The following SGCB variants were observed in gnomAD, a reference collection of about 807,000 sequenced individuals.
SGCB encodes the protein beta-sarcoglycan.
In SGCB, 25 loss-of-function variants were observed where a neutral mutation model predicts 27.3. The ratio of observed to expected loss-of-function variants is 0.92; its 90% CI spans 0.67 to 1.28. The LOEUF (loss-of-function observed/expected upper bound fraction) is 1.28, where lower values mean the gene tolerates loss of function less well. Among genes scored for constraint, SGCB ranks in the 50% most tolerant of loss-of-function variants. SGCB has a pLI of 0.00. For synonymous variants in SGCB, 147 were observed against 133.5 expected, an observed-to-expected ratio of 1.10 and a Z score of -0.70; for missense variants, 436 against 402.1, an observed-to-expected ratio of 1.08 and a Z score of -0.72.
chr4:52,034,331 C>CAAAAAAAAAAAAAAAAAAAA (rs541129158), intron 1 of SGCB, among the ~76,000 whole-genome samples: 1 of 26,516 alleles, frequency 3.8e-5, no homozygotes, highest in African/African-American at 1.4e-4. Flanking sequence ...GACTCCGTCT[C>CAAAAAAAAAAAAAAAAAAAA]AAAAAAAAAA....
intron 2 of SGCB, among the ~76,000 whole-genome samples, chr4:52,030,158 A>G (rs2109372392): frequency 1.3e-5 from 2 of 152,202 alleles, no homozygotes; most frequent in Middle Eastern, 6.8e-3. Context: ...ACTTTCAACA[A>G]ATTTAGCTAT....
chr4:52,032,171 C>G (rs1737266078), intron 2 of SGCB, among the ~76,000 whole-genome samples: 1 of 152,114 alleles, frequency 6.6e-6, no homozygotes, highest in Non-Finnish European at 1.5e-5. Context: ...GAGAGGAGGC[C>G]TAGGGATCTC....
rs930561365 is a variant in SGCB at position 52,022,681 on chromosome 4, A to T, written c.*1276T>A. The stretch of plus-strand genomic sequence containing the variant: ...GTACTTACTAGGCCATGCCTGGCCC[A>T]AAGAACTTGTTTGGGTCTATGGCCT... On this transcript the variant is annotated 3_prime_UTR_variant, in exon 6 of 6. Coordinates refer to ENST00000381431, the MANE Select transcript of SGCB (RefSeq NM_000232.5). 1.3e-5 allele frequency: 2 copies of T among 152,176 alleles called. No homozygotes were observed. Among genetic ancestry groups the T allele is most frequent in the Non-Finnish European group, 2.9e-5 (2 of 68,016 alleles). 9.4% of individuals were successfully genotyped at this position (152,176 alleles called of 1,614,324 possible). A position where few individuals can be genotyped will look rare whatever the true frequency, so the allele number is the denominator to read the frequency against.
chr4:52,037,831 G>C (rs1249577632), intron 1 of SGCB, among the ~76,000 whole-genome samples: 1 of 152,244 alleles, frequency 6.6e-6, no homozygotes, highest in African/African-American at 2.4e-5. Flanking sequence ...CCCGTTTCTT[G>C]TAAGAGGAGC....
chr4:52,022,429 T>C lies in SGCB; in HGVS notation c.*1528A>G, dbSNP rs1009445459. ...ACTGCCTATTTTACAGCAAACTCCT[T>C]TGGGGGCCCTGTCCCTGATTCTGTG... is the stretch of plus-strand genomic sequence containing the variant. On this transcript the variant is annotated 3_prime_UTR_variant, in exon 6 of 6. Coordinates refer to ENST00000381431, the MANE Select transcript of SGCB (RefSeq NM_000232.5). 4.6e-5 allele frequency: 7 copies of C among 152,206 alleles called. No individual in the cohort carries two copies. Among genetic ancestry groups the C allele is most frequent in the African/African-American group, 1.7e-4 (7 of 41,458 alleles). The allele number at this position is 152,206 out of a possible 1,614,324, so 9.4% of individuals were successfully genotyped here.
At chr4:52,031,921 C>G (rs1479974038) in intron 2 of SGCB, 1 of 455,842 alleles carries the variant, frequency 2.2e-6, no homozygotes, top group East Asian at 7.0e-5. Context: ...ATCAGGAATC[C>G]CAGAGAAGGC....
chr4:52,023,328 G>C lies in SGCB; in HGVS notation c.*629C>G, dbSNP rs749700524. On this transcript the variant is annotated 3_prime_UTR_variant, in exon 6 of 6. Transcript: ENST00000381431. ...TTATTTAAAAGTTAAAGCTGAGATGGTGTTTTAATTTCCACCACATTGTGA... is the reference window on the plus strand; with the variant it reads ...TTATTTAAAAGTTAAAGCTGAGATGCTGTTTTAATTTCCACCACATTGTGA... The C allele has an allele frequency of 1.3e-5, 2 of 152,662 alleles. No individual in the cohort carries two copies. Among genetic ancestry groups the C allele is most frequent in the Non-Finnish European group, 2.9e-5 (2 of 68,296 alleles). The allele number at this position is 152,662 out of a possible 1,614,324, so 9.5% of individuals were successfully genotyped here.
chr4:52,028,887 A>ACC lies in SGCB; in HGVS notation c.463_464insGG (p.Val155GlyfsTer2). ...TGTAATAGAAGTTTTGTTGTTTTCT[A>ACC]CACTGAGCTTTGTTGTCCCTTGCTG... is the stretch of plus-strand genomic sequence containing the variant. On this transcript the variant is annotated frameshift_variant, in exon 4 of 6. Transcript: ENST00000381431. LOFTEE classifies it high-confidence loss of function. 6.2e-7 allele frequency: 1 copy of ACC among 1,614,038 alleles called. No individual in the cohort carries two copies. Among genetic ancestry groups the ACC allele is most frequent in the Non-Finnish European group, 8.5e-7 (1 of 1,179,908 alleles).
At chr4:52,033,667 A>G (rs1737309478) in intron 1 of SGCB, 27 bp from the exon 2 acceptor site, 1 of 1,538,342 alleles carries the variant, frequency 6.5e-7, no homozygotes. Context: ...ACATAATGGA[A>G]CAGCTATACC....
At chr4:52,028,690 A>G (rs367867113) in intron 4 of SGCB, 40 bp downstream of exon 4, 87 of 1,361,070 alleles carry the variant, frequency 6.4e-5, no homozygotes, top group Middle Eastern at 2.0e-4. Flanking sequence ...TCTAGAGAAT[A>G]ATTCTCTCCC....
intron 2 of SGCB, among the ~76,000 whole-genome samples, chr4:52,032,644 C>G (rs1032971902): frequency 6.6e-6 from 1 of 152,094 alleles, no homozygotes; most frequent in Admixed American, 6.5e-5. Context: ...GACAGAAGTG[C>G]TTTGGACATA....
At chr4:52,031,307 T>G (rs561593714) in intron 2 of SGCB, among the ~76,000 whole-genome samples, 7 of 152,036 alleles carry the variant, frequency 4.6e-5, no homozygotes, top group African/African-American at 1.7e-4. Context: ...CTGGAAGAGT[T>G]TTTTTATCTT....
rs187619233 is a variant in SGCB at position 52,022,026 on chromosome 4, A to G, written c.*1931T>C. ...TTTAAAATAAATCTAAATAGAGCAG[A>G]TAAGTAATGAATATGCAATTTAATT... On this transcript the variant is annotated 3_prime_UTR_variant, in exon 6 of 6. Coordinates refer to ENST00000381431, the MANE Select transcript of SGCB (RefSeq NM_000232.5). 7 of 152,358 alleles carry G rather than the reference A, an allele frequency of 4.6e-5. No homozygotes were observed. Among genetic ancestry groups the G allele is most frequent in the African/African-American group, 7.2e-5 (3 of 41,594 alleles). 9.4% of individuals were successfully genotyped at this position (152,358 alleles called of 1,614,324 possible).
chr4:52,030,791 T>G (rs1292201721), intron 2 of SGCB, among the ~76,000 whole-genome samples: 1 of 152,198 alleles, frequency 6.6e-6, no homozygotes. Flanking sequence ...ATCCTCATCT[T>G]TCTTTTGGTA....
At chr4:52,030,327 T>C (rs1350635594) in intron 2 of SGCB, among the ~76,000 whole-genome samples, 1 of 152,150 alleles carries the variant, frequency 6.6e-6, no homozygotes, top group Non-Finnish European at 1.5e-5. Flanking sequence ...ATGATAAATT[T>C]AGCTCATTTA....
rs541318657 is a variant in SGCB, at chr4:52,028,986, A to G, written c.430-65T>C. ...AAGACTGCAAACAAAATTCCTGAAC[A>G]ATATATTTTAAAAATTACAAAAATT... On this transcript the variant is annotated intron_variant, in intron 3 of 5. Transcript: ENST00000381431. 10 of 1,211,226 alleles carry G rather than the reference A, an allele frequency of 8.3e-6. No individual in the cohort carries two copies. The South Asian group carries it at 1.0e-4, about 13-fold the overall frequency. 75.0% of individuals were successfully genotyped at this position (1,211,226 alleles called of 1,614,324 possible). A position where few individuals can be genotyped will look rare whatever the true frequency, so the allele number is the denominator to read the frequency against.
At position 52,024,032 on chromosome 4, in the gene SGCB, C is replaced by G. The variant is rs572922347; in HGVS notation, c.882G>C (p.Thr294=). Residue 294 remains threonine (T), a synonymous_variant, in exon 6 of 6, where the codon ACG becomes ACC. Coordinates refer to ENST00000381431, the MANE Select transcript of SGCB (RefSeq NM_000232.5). ...GGCTGGTTACTTGCACCTTGAAGAG[C>G]GTCCCATCAGCACACATGCAGAGCT... ...RYKLCMCADG[T]LFKVQVTSQN... The G allele has an allele frequency of 6.2e-7, 1 of 1,614,136 alleles. No individual in the cohort carries two copies.
intron 5 of SGCB, 37 bp from the exon 6 acceptor site, chr4:52,024,197 A>G: frequency 6.6e-7 from 1 of 1,505,232 alleles, no homozygotes; most frequent in Non-Finnish European, 9.2e-7. Context: ...ATTTACCTCC[A>G]TGAGGGGGTA....
At position 52,023,781 on chromosome 4, in the gene SGCB, G is replaced by A. The variant is rs1219929645; in HGVS notation, c.*176C>T. Reference sequence around the variant, plus strand: ...GAAGATTAGTATAAATTAATAAAATGTATTAGAATTTAGGCTCTCTGAGAA... The same window carrying A: ...GAAGATTAGTATAAATTAATAAAATATATTAGAATTTAGGCTCTCTGAGAA... On this transcript the variant is annotated 3_prime_UTR_variant, in exon 6 of 6. Transcript: ENST00000381431. 3.4e-6 allele frequency: 2 copies of A among 594,208 alleles called. No individual in the cohort carries two copies. Among genetic ancestry groups the A allele is most frequent in the African/African-American group, 1.9e-5 (1 of 53,842 alleles). 36.8% of individuals were successfully genotyped at this position (594,208 alleles called of 1,614,324 possible). A position where few individuals can be genotyped will look rare whatever the true frequency, so the allele number is the denominator to read the frequency against.
Sources: gnomAD v4.1 joint callset for allele counts (sites outside exome capture counted in the v4.1 genomes callset) on GRCh38, gnomAD v4.1.1 for gene constraint, MANE v1.5 for transcripts, NCBI Gene and HGNC (gene_info 2026-07-23, HGNC 2026-07-21) for gene names.